UNC5A: variants seen among roughly 807,000 people sequenced by gnomAD.
UNC5A encodes netrin receptor UNC5A.
Under a neutral mutation model 87.4 loss-of-function variants are expected in UNC5A, and 20 were observed. The observed-to-expected ratio is 0.23, with a 90% CI of 0.16 to 0.33. UNC5A has a LOEUF of 0.33. Among genes scored for constraint, UNC5A ranks in the 10% least tolerant of loss-of-function variants. The pLI, the probability that UNC5A is intolerant of heterozygous loss-of-function variation, is 1.00. For synonymous variants in UNC5A, 438 were observed against 482.3 expected (o/e 0.91, Z 1.20); for missense variants, 844 against 1,133.4 (o/e 0.74, Z 3.67).
rs150848272 is a variant in UNC5A at position 176,852,762 on chromosome 5, G to C, written c.71-9862G>C. ...CCTTTGCGGTGGGTTCAGGTACTTA[G>C]CGATGGCAACAGTGTCACACTAAGT... On this transcript the variant is annotated intron_variant, in intron 1 of 14. Coordinates refer to ENST00000329542, the MANE Select transcript of UNC5A (RefSeq NM_133369.3). Among the ~76,000 whole-genome samples, 378 of 152,318 alleles carry C rather than the reference G, an allele frequency of 2.5e-3. 4 individuals are homozygous for C. The highest frequency in any genetic ancestry group is 8.1e-3 in the African/African-American group (337 of 41,562).
Position 176,875,150 on chromosome 5 carries a change from G to C in UNC5A, c.1378+584G>C, listed in dbSNP as rs531214309. On this transcript the variant is annotated intron_variant, in intron 8 of 14. Transcript: ENST00000329542. This position sits in a 1 kb window ranked among gnomAD's most constrained non-coding sequence, Gnocchi z 5.2. ...GTTCCATAAATGTAGGTGTGCCTCC[G>C]AGCTCCCTCCCAGTGCCCTTCTCCC... 5.3e-4 allele frequency among the ~76,000 whole-genome samples: 80 copies of C among 152,156 alleles called. No individual in the cohort carries two copies. The highest frequency in any genetic ancestry group is 6.8e-3 in the Middle Eastern group (2 of 294).
chr5:176,845,195 A>G (rs1009943838), intron 1 of UNC5A, among the ~76,000 whole-genome samples: 3 of 152,034 alleles, frequency 2.0e-5, no homozygotes, highest in African/African-American at 4.8e-5. Context: ...CAGGTCAGGC[A>G]GCTCCCTGTC....
intron 9 of UNC5A, 82 bp downstream of exon 9, chr5:176,877,361 C>G: frequency 7.1e-7 from 1 of 1,407,274 alleles, no homozygotes; most frequent in Non-Finnish European, 9.8e-7. Flanking sequence ...TGCCCACCCA[C>G]TGTTGTGCCT....
chr5:176,829,911 G>C (rs1170901555), intron 1 of UNC5A, among the ~76,000 whole-genome samples: 2 of 69,148 alleles, frequency 2.9e-5, no homozygotes, highest in African/African-American at 7.0e-5. Flanking sequence ...ATCTTGTTCT[G>C]TCTCCCACAC....
intron 1 of UNC5A, among the ~76,000 whole-genome samples, chr5:176,833,936 C>G (rs973186403): frequency 3.9e-5 from 6 of 152,124 alleles, no homozygotes; most frequent in African/African-American, 1.4e-4. Context: ...AAACTCCTGA[C>G]TTCATGATCT....
rs140974305 is a variant in UNC5A at position 176,874,912 on chromosome 5, G to A, written c.1378+346G>A. On this transcript the variant is annotated intron_variant, in intron 8 of 14. Transcript: ENST00000329542. This position sits in a 1 kb window ranked among gnomAD's most constrained non-coding sequence, Gnocchi z 7.6. ...CAACCAAGGGCAAACAGATGAGCACGGGCCTGGGCAGAGGCCATCCTGGAG... is the reference window on the plus strand; with the variant it reads ...CAACCAAGGGCAAACAGATGAGCACAGGCCTGGGCAGAGGCCATCCTGGAG... 3.7e-3 allele frequency among the ~76,000 whole-genome samples: 564 copies of A among 152,330 alleles called. 5 individuals are homozygous for A. The highest frequency in any genetic ancestry group is 0.013 in the African/African-American group (522 of 41,566).
chr5:176,821,427 T>C (rs2113588645), intron 1 of UNC5A, among the ~76,000 whole-genome samples: 1 of 152,312 alleles, frequency 6.6e-6, no homozygotes, highest in South Asian at 2.1e-4. Context: ...TCAAGACCTC[T>C]TTCCTTTCAG....
At position 176,875,659 on chromosome 5, in the gene UNC5A, C is replaced by T. The variant is rs1758244400; in HGVS notation, c.1378+1093C>T. ...GTGCTCGAATCCCTTCTGGGCTCCC[C>T]TCTGCCCCCTGCAAAGCCCACATGA... is the stretch of plus-strand genomic sequence containing the variant. On this transcript the variant is annotated intron_variant, in intron 8 of 14. Coordinates refer to ENST00000329542, the MANE Select transcript of UNC5A (RefSeq NM_133369.3). This position sits in a 1 kb window ranked among gnomAD's most constrained non-coding sequence, Gnocchi z 5.2. 6.6e-6 allele frequency among the ~76,000 whole-genome samples: 1 copy of T among 152,222 alleles called. No homozygotes were observed. Among genetic ancestry groups the T allele is most frequent in the Non-Finnish European group, 1.5e-5 (1 of 68,046 alleles).
In UNC5A at chr5:176,848,111, A is replaced by C. The variant is rs1217840177; in HGVS notation, c.71-14513A>C. On this transcript the variant is annotated intron_variant, in intron 1 of 14. Coordinates refer to ENST00000329542, the MANE Select transcript of UNC5A (RefSeq NM_133369.3). The surrounding 1 kb of genome is among the most constrained non-coding windows in gnomAD (Gnocchi z 5.8). ...ACTGACCAGCTGACCAGCAGCCCCC[A>C]CGCTGCGGCCTCCTCCAGGCTGGTT... Among the ~76,000 whole-genome samples the C allele has an allele frequency of 1.3e-5, 2 of 149,196 alleles. No individual in the cohort carries two copies. The highest frequency in any genetic ancestry group is 6.8e-5 in the Admixed American group (1 of 14,680).
At position 176,874,078 on chromosome 5, in the gene UNC5A, GGGCT is replaced by G; in HGVS notation, c.1000_1003del (p.Leu334ThrfsTer108). The G allele has an allele frequency of 6.2e-7, 1 of 1,614,048 alleles. No homozygotes were observed. The highest frequency in any genetic ancestry group is 1.3e-5 in the African/African-American group (1 of 75,026). ...CCTCGTTTATTGCCGGAAGAAGGAGGGGCTGGACTCAGATGTGGCTGACTCGTCC... is the reference window on the plus strand; with the variant it reads ...CCTCGTTTATTGCCGGAAGAAGGAGGGGACTCAGATGTGGCTGACTCGTCC... On this transcript the variant is annotated frameshift_variant, in exon 7 of 15. Coordinates refer to ENST00000329542, the MANE Select transcript of UNC5A (RefSeq NM_133369.3). LOFTEE classifies it high-confidence loss of function. The surrounding 1 kb of genome is among the most constrained non-coding windows in gnomAD (Gnocchi z 7.6).
At chr5:176,817,344 G>A (rs7712866) in intron 1 of UNC5A, among the ~76,000 whole-genome samples, 3,018 of 152,156 alleles carry the variant, frequency 0.02, 92 homozygotes, top group African/African-American at 0.068. Context: ...CCTTGGGGAG[G>A]GAGGTCCGGA....
At chr5:176,842,142 A>G (rs1757291840) in intron 1 of UNC5A, among the ~76,000 whole-genome samples, 2 of 152,272 alleles carry the variant, frequency 1.3e-5, no homozygotes. Flanking sequence ...GTTTGCAGTG[A>G]GCCGAGATCG....
chr5:176,817,160 C>T (rs1193775879), intron 1 of UNC5A, among the ~76,000 whole-genome samples: 1 of 152,168 alleles, frequency 6.6e-6, no homozygotes, highest in Non-Finnish European at 1.5e-5. Flanking sequence ...GGCCAGCCGT[C>T]ACCCTGACTG....
intron 3 of UNC5A, 124 bp downstream of exon 3, chr5:176,868,397 T>A (rs1033391010): frequency 2.0e-6 from 3 of 1,499,148 alleles, no homozygotes; most frequent in Non-Finnish European, 2.7e-6. Context: ...CCTGGATGAG[T>A]GGATAAAGTG....
chr5:176,866,016 C>T lies in UNC5A; in HGVS notation c.293-2114C>T, dbSNP rs114161157. ...TATTAGATTGTTTAGAAGCAGATTGCTGAGAAGGTGAGAACCGAAGTGCCA... is the reference window on the plus strand; with the variant it reads ...TATTAGATTGTTTAGAAGCAGATTGTTGAGAAGGTGAGAACCGAAGTGCCA... On this transcript the variant is annotated intron_variant, in intron 2 of 14. Coordinates refer to ENST00000329542, the MANE Select transcript of UNC5A (RefSeq NM_133369.3). The surrounding 1 kb of genome is among the most constrained non-coding windows in gnomAD (Gnocchi z 5.0). Among the ~76,000 whole-genome samples the T allele has an allele frequency of 4.4e-3, 671 of 152,342 alleles. 1 individual carries two copies. The highest frequency in any genetic ancestry group is 0.015 in the African/African-American group (619 of 41,578).
At chr5:176,822,752 G>T (rs1397404102) in intron 1 of UNC5A, among the ~76,000 whole-genome samples, 1 of 152,214 alleles carries the variant, frequency 6.6e-6, no homozygotes, top group African/African-American at 2.4e-5. Flanking sequence ...ACAGGAGAGG[G>T]ACTCAGGCTG....
At chr5:176,863,499 G>A (rs1354877185) in intron 2 of UNC5A, among the ~76,000 whole-genome samples, 1 of 152,108 alleles carries the variant, frequency 6.6e-6, no homozygotes, top group African/African-American at 2.4e-5. Flanking sequence ...AGCAGAGGGG[G>A]CCAGCCAGAC....
chr5:176,854,100 TGCTGCTG>T (rs757271195), intron 1 of UNC5A, among the ~76,000 whole-genome samples: 7 of 152,140 alleles, frequency 4.6e-5, no homozygotes, highest in Non-Finnish European at 8.8e-5. Context: ...CACCCCAGCT[TGCTGCTG>T]GCTGCATGGC....
In UNC5A at chr5:176,874,172, C is replaced by G. The variant is rs1758200700; in HGVS notation, c.1075+16C>G. 4 of 1,610,264 alleles carry G rather than the reference C, an allele frequency of 2.5e-6. No homozygotes were observed. In the East Asian group the frequency reaches 8.9e-5, roughly 36 times the overall value. On this transcript the variant is annotated intron_variant, in intron 7 of 14. Transcript: ENST00000329542. The surrounding 1 kb of genome is among the most constrained non-coding windows in gnomAD (Gnocchi z 7.6). ...AGCAAAGCAGGTGAGGGGCCCCGTG[C>G]CCCCAGCACTCCTGCCCCAGCTCCC...
Sources: gnomAD v4.1 joint callset for allele counts (sites outside exome capture counted in the v4.1 genomes callset) on GRCh38, gnomAD v4.1.1 for gene constraint, Gnocchi (gnomAD v3.1) non-coding constraint, MANE v1.5 for transcripts, NCBI Gene and HGNC (gene_info 2026-07-23, HGNC 2026-07-21) for gene names.